Variants in NANOGNB observed in about 807,000 individuals in gnomAD.
NANOGNB encodes homeobox C14.
Under a neutral mutation model 25.0 loss-of-function variants are expected in NANOGNB, and 30 were observed. The ratio of observed to expected loss-of-function variants is 1.20; its 90% CI spans 0.90 to 1.63. The LOEUF is 1.63. Among genes scored for constraint, NANOGNB ranks in the 40% most tolerant of loss-of-function variants. The pLI is 0.00. For missense variants in NANOGNB, 200 were observed against 188.1 expected (o/e 1.06, Z -0.37); for synonymous variants, 84 against 62.1 (o/e 1.35, Z -1.66).
rs1207316556 is a variant in NANOGNB at position 7,770,269 on chromosome 12, A to C, written c.389A>C (p.Gln130Pro). ...AAGTTAAACAGGTGCCCCACTATAC[A>C]AGAGAGTCTATCACTGTCATTTGAA... ...KFKLNRCPTI[Q>P]ESLSLSFEFD... Residue 130 changes from glutamine to proline, a missense_variant, in exon 2 of 4, where the codon CAA (glutamine) becomes CCA (proline). Physicochemically the swap from Gln to Pro is moderately conservative, Grantham distance 76. Transcript: ENST00000382119. 1 of 1,542,216 alleles carries C rather than the reference A, an allele frequency of 6.5e-7. No individual in the cohort carries two copies. The highest frequency in any genetic ancestry group is 2.1e-5 in the Admixed American group (1 of 48,170).
chr12:7,769,773 G>A (rs372646695), intron 1 of NANOGNB, among the ~76,000 whole-genome samples: 3 of 151,948 alleles, frequency 2.0e-5, no homozygotes, highest in East Asian at 1.9e-4. Flanking sequence ...TGATCTGCCC[G>A]CCTCAGCCTC....
At chr12:7,771,581 T>G (rs1862568205) in intron 3 of NANOGNB, among the ~76,000 whole-genome samples, 1 of 152,090 alleles carries the variant, frequency 6.6e-6, no homozygotes, top group Non-Finnish European at 1.5e-5. Context: ...TTTATGTATA[T>G]TTATTTAGAA....
chr12:7,769,474 C>T (rs902549986), intron 1 of NANOGNB, among the ~76,000 whole-genome samples: 2 of 152,278 alleles, frequency 1.3e-5, no homozygotes, highest in African/African-American at 4.8e-5. Context: ...AGGTGCATGC[C>T]ACCACACCCA....
Position 7,773,975 on chromosome 12 carries a change from A to T in NANOGNB, c.*124A>T. ...GTTCTGAAAGGATAAACAAGAAAAC[A>T]TTAACAGTCGTTGATTCCGTGGAGT... On this transcript the variant is annotated 3_prime_UTR_variant, in exon 4 of 4. Transcript: ENST00000382119. 2.1e-6 allele frequency: 1 copy of T among 466,590 alleles called. No homozygotes were observed. Among genetic ancestry groups the T allele is most frequent in the Non-Finnish European group, 3.8e-6 (1 of 266,388 alleles). 28.9% of individuals were successfully genotyped at this position (466,590 alleles called of 1,614,324 possible).
rs943585259 is a variant in NANOGNB at position 7,773,959 on chromosome 12, G to A, written c.*108G>A. ...CTCACCAATAAATGGAGTTCTGAAA[G>A]GATAAACAAGAAAACATTAACAGTC... On this transcript the variant is annotated 3_prime_UTR_variant, in exon 4 of 4. Transcript: ENST00000382119. 2.9e-5 allele frequency: 14 copies of A among 486,698 alleles called. No individual in the cohort carries two copies. Among genetic ancestry groups the A allele is most frequent in the African/African-American group, 2.7e-4 (13 of 49,048 alleles). The allele number at this position is 486,698 out of a possible 1,614,324, so 30.1% of individuals were successfully genotyped here.
At chr12:7,768,895 G>C (rs1302637296) in intron 1 of NANOGNB, among the ~76,000 whole-genome samples, 1 of 151,720 alleles carries the variant, frequency 6.6e-6, no homozygotes, top group Non-Finnish European at 1.5e-5. Flanking sequence ...TGCAGTGGCT[G>C]GGCTGGGATT....
chr12:7,771,431 G>A (rs1051765830), intron 3 of NANOGNB, among the ~76,000 whole-genome samples: 6 of 152,128 alleles, frequency 3.9e-5, no homozygotes, highest in African/African-American at 7.2e-5. Context: ...GTGTTAGCCA[G>A]GATGGTCTCG....
intron 1 of NANOGNB, among the ~76,000 whole-genome samples, chr12:7,767,989 A>G (rs939001498): frequency 6.6e-6 from 1 of 152,142 alleles, no homozygotes; most frequent in African/African-American, 2.4e-5. Context: ...CTGGGATTAC[A>G]GGCGTGAGTC....
Position 7,773,826 on chromosome 12 carries a change from G to C in NANOGNB, c.542G>C (p.Trp181Ser). The change falls in exon 4 of 4, where the codon TGG (tryptophan) becomes TCG (serine). Residue 181 changes from tryptophan (W) to serine (S), a missense_variant. By Grantham distance (177) the Trp-to-Ser change is radical. Transcript: ENST00000382119. ...TGGAGATCTCTGTGTTGCCAAGGCT[G>C]GTCTCGAACTCCTGCCCTCAAGTGA... ...MRWRSLCCQG[W>S]SRTPALK 1 of 625,982 alleles carries C rather than the reference G, an allele frequency of 1.6e-6. No individual in the cohort carries two copies. Among genetic ancestry groups the C allele is most frequent in the Non-Finnish European group, 2.8e-6 (1 of 358,350 alleles). 38.8% of individuals were successfully genotyped at this position (625,982 alleles called of 1,614,324 possible). A position where few individuals can be genotyped will look rare whatever the true frequency, so the allele number is the denominator to read the frequency against.
intron 3 of NANOGNB, 99 bp downstream of exon 3, chr12:7,770,617 CT>C (rs199637395): frequency 0.14 from 77,748 of 559,264 alleles, 1,024 homozygotes; most frequent in East Asian, 0.17. Context: ...TGCCCATAAA[CT>C]TTTTTTTTTT....
rs906235511 is a variant in NANOGNB, at chr12:7,770,290, T to C, written c.410T>C (p.Phe137Ser). The C allele has an allele frequency of 1.3e-6, 2 of 1,531,182 alleles. No individual in the cohort carries two copies. The highest frequency in any genetic ancestry group is 2.4e-5 in the East Asian group (1 of 40,818). The allele number at this position is 1,531,182 out of a possible 1,614,324, so 94.8% of individuals were successfully genotyped here. The change falls in exon 2 of 4, where the codon TTT becomes TCT. Residue 137 changes from phenylalanine to serine, a missense_variant. Transcript: ENST00000382119. ...ATACAAGAGAGTCTATCACTGTCAT[T>C]TGAATTTGACATGACACATAAACAG... ...PTIQESLSLS[F>S]EFDMTHKQIS...
At position 7,770,119 on chromosome 12, in the gene NANOGNB, A is replaced by G; in HGVS notation, c.239A>G (p.Lys80Arg). Residue 80 changes from lysine (K) to arginine (R), a missense_variant, in exon 2 of 4, where the codon AAA (lysine) becomes AGA (arginine). By Grantham distance (26) the Lys-to-Arg change is conservative (BLOSUM62 2). Transcript: ENST00000382119. ...AAGAGAGAACGAGAAAAAGAAGAAA[A>G]AAACGAAAAGGAGCTGCAAGATGAA... ...GRKREREKEEKNEKELQDEQE... is the reference protein window; with the variant it reads ...GRKREREKEERNEKELQDEQE... The G allele has an allele frequency of 6.5e-7, 1 of 1,545,532 alleles. No individual in the cohort carries two copies. Among genetic ancestry groups the G allele is most frequent in the South Asian group, 1.2e-5 (1 of 83,736 alleles).
chr12:7,765,755 G>C (rs749017574), intron 1 of NANOGNB, among the ~76,000 whole-genome samples: 1 of 152,008 alleles, frequency 6.6e-6, no homozygotes, highest in Non-Finnish European at 1.5e-5. Context: ...GGCCTGAGTG[G>C]GTCAGCGTTC....
Position 7,774,105 on chromosome 12 carries a change from A to G in NANOGNB, c.*254A>G. The G allele has an allele frequency of 3.3e-6, 1 of 299,304 alleles. No homozygotes were observed. The highest frequency in any genetic ancestry group is 5.1e-5 in the Admixed American group (1 of 19,624). The allele number at this position is 299,304 out of a possible 1,614,324, so 18.5% of individuals were successfully genotyped here. ...GATGTTAATTGATTTTATTTAAGAA[A>G]AAAAATCGAGTCAAGGCCGGGCACA... On this transcript the variant is annotated 3_prime_UTR_variant, in exon 4 of 4. Coordinates refer to ENST00000382119, the MANE Select transcript of NANOGNB (RefSeq NM_001145465.1).
chr12:7,766,835 T>C (rs1021431158), intron 1 of NANOGNB, among the ~76,000 whole-genome samples: 4 of 151,990 alleles, frequency 2.6e-5, no homozygotes, highest in African/African-American at 7.3e-5. Context: ...GCCTTTGTTT[T>C]GTTGTTGTTT....
chr12:7,770,772 C>T (rs759964583), intron 3 of NANOGNB, among the ~76,000 whole-genome samples: 1 of 152,230 alleles, frequency 6.6e-6, no homozygotes, highest in East Asian at 1.9e-4. Context: ...GCCACCACGC[C>T]CAGCTAATTT....
chr12:7,766,216 A>G, intron 1 of NANOGNB: 1 of 398,592 alleles, frequency 2.5e-6, no homozygotes, highest in African/African-American at 2.1e-5. Flanking sequence ...CACACCTCAA[A>G]TCCCAGCACT....
intron 1 of NANOGNB, chr12:7,766,118 CTCTT>C: frequency 2.5e-6 from 1 of 398,636 alleles, no homozygotes; most frequent in Non-Finnish European, 4.4e-6. Context: ...GGAGAATAAA[CTCTT>C]TCAATGTGGA....
At chr12:7,767,861 A>T (rs1033833201) in intron 1 of NANOGNB, among the ~76,000 whole-genome samples, 2 of 150,956 alleles carry the variant, frequency 1.3e-5, no homozygotes, top group African/African-American at 2.4e-5. Flanking sequence ...TCCTGGACTC[A>T]AGTGATCCTC....
Sources: allele counts gnomAD v4.1 joint callset (sites outside exome capture counted in the v4.1 genomes callset), GRCh38; gene constraint gnomAD v4.1.1; transcripts MANE v1.5; gene names NCBI Gene and HGNC (gene_info 2026-07-23, HGNC 2026-07-21).